Variants in LRRC27 observed in about 807,000 individuals in gnomAD.
LRRC27 encodes leucine rich repeat containing 27, also known as leucine-rich repeat-containing protein 27.
A neutral mutation model predicts 55.0 loss-of-function variants in LRRC27; 57 were observed. The observed-to-expected ratio is 1.04, with a 90% CI of 0.84 to 1.29. The LOEUF (loss-of-function observed/expected upper bound fraction) is 1.29. Among genes scored for constraint, LRRC27 ranks in the 50% most tolerant of loss-of-function variants. The pLI, the probability that LRRC27 is intolerant of heterozygous loss-of-function variation, is 0.00. For synonymous variants in LRRC27, 278 were observed against 251.9 expected (o/e 1.10, Z -0.98); for missense variants, 721 against 651.5 (o/e 1.11, Z -1.16).
At chr10:132,362,016 C>G (rs77050500) in intron 9 of LRRC27, among the ~76,000 whole-genome samples, 13,377 of 152,268 alleles carry the variant, frequency 0.088, 768 homozygotes, top group African/African-American at 0.17. Context: ...AGACCTGACC[C>G]TCAGGGCCGC....
chr10:132,354,015 C>T (rs1320570465), intron 7 of LRRC27, among the ~76,000 whole-genome samples: 2 of 152,240 alleles, frequency 1.3e-5, no homozygotes, highest in African/African-American at 4.8e-5. Context: ...ATCACCTGCC[C>T]TGCCAGGAGG....
At chr10:132,331,628 G>A (rs879046864), upstream of LRRC27, 29 of 1,612,892 alleles carry the variant, frequency 1.8e-5, no homozygotes, top group South Asian at 3.0e-4. Flanking sequence ...GACAGGCAGC[G>A]AGGACCGCTC....
intron 4 of LRRC27, among the ~76,000 whole-genome samples, chr10:132,343,119 G>A (rs954898488): frequency 1.3e-5 from 2 of 152,056 alleles, no homozygotes; most frequent in Admixed American, 1.3e-4. Flanking sequence ...ACCAGCCTGG[G>A]TAACATAGTG....
chr10:132,353,629 A>G (rs2068171843), intron 7 of LRRC27, among the ~76,000 whole-genome samples: 1 of 152,178 alleles, frequency 6.6e-6, no homozygotes. Flanking sequence ...GGGCTGTCCT[A>G]GGACATGGGA....
chr10:132,332,472 G>C (rs1421038846), intron 1 of LRRC27: 1 of 152,312 alleles, frequency 6.6e-6, no homozygotes, highest in Non-Finnish European at 1.5e-5. Context: ...GGGGGTGGGC[G>C]TGCGTGGGGA....
rs115861392 is a variant in LRRC27, at chr10:132,375,133, G to C, written c.1484G>C (p.Arg495Pro). The C allele has an allele frequency of 5.3e-5, 85 of 1,613,992 alleles. No homozygotes were observed. Among genetic ancestry groups the C allele is most frequent in the Non-Finnish European group, 6.4e-5 (76 of 1,180,014 alleles). ...TTAACCTTGAACAAAGATCGTCGAC[G>C]GGCGGCCCTCACTGGAAACCTTTCG... is the stretch of plus-strand genomic sequence containing the variant. ...LGLTLNKDRR[R>P]AALTGNLSLG... Residue 495 changes from arginine to proline, a missense_variant, in exon 11 of 11, where the codon CGG (arginine) becomes CCG (proline). By Grantham distance (103) the Arg-to-Pro change is moderately radical (BLOSUM62 -2). Coordinates refer to ENST00000368614, the MANE Select transcript of LRRC27 (RefSeq NM_030626.3).
In LRRC27 at chr10:132,334,149, T is replaced by C. The variant is rs73385027; in HGVS notation, c.210+415T>C. Among the ~76,000 whole-genome samples, 810 of 152,332 alleles carry C rather than the reference T, an allele frequency of 5.3e-3. 5 individuals are homozygous for C. Among genetic ancestry groups the C allele is most frequent in the African/African-American group, 0.018 (746 of 41,572 alleles). ...GGTTTTACTTTGTGCCCGGCCCTTC[T>C]CCGGGTCAGTCCGCAGTAGATGCTG... On this transcript the variant is annotated intron_variant, in intron 2 of 10. Transcript: ENST00000368614.
At chr10:132,344,351 A>G in intron 4 of LRRC27, 147 bp from the exon 5 acceptor site, 1 of 841,170 alleles carries the variant, frequency 1.2e-6, no homozygotes, top group Non-Finnish European at 1.7e-6. Context: ...CTTTAAAGCA[A>G]ATCTTTGACA....
chr10:132,375,299 T>C lies in LRRC27; in HGVS notation c.*57T>C. Reference sequence around the variant, plus strand: ...CAGACAGGAGCCGCTCAGTCTTCTTTCCCGGGCGTCGCCTCCTGTGTGGTG... The same window carrying C: ...CAGACAGGAGCCGCTCAGTCTTCTTCCCCGGGCGTCGCCTCCTGTGTGGTG... On this transcript the variant is annotated 3_prime_UTR_variant, in exon 11 of 11. Transcript: ENST00000368614. The C allele has an allele frequency of 6.6e-7, 1 of 1,524,272 alleles. No homozygotes were observed. The highest frequency in any genetic ancestry group is 8.9e-7 in the Non-Finnish European group (1 of 1,124,606). 94.4% of individuals were successfully genotyped at this position (1,524,272 alleles called of 1,614,324 possible). A position where few individuals can be genotyped will look rare whatever the true frequency, so the allele number is the denominator to read the frequency against.
chr10:132,374,599 T>TG lies in LRRC27; in HGVS notation c.1417-462dup, dbSNP rs1297316158. 6.6e-6 allele frequency among the ~76,000 whole-genome samples: 1 copy of TG among 152,106 alleles called. No homozygotes were observed. Among genetic ancestry groups the TG allele is most frequent in the African/African-American group, 2.4e-5 (1 of 41,404 alleles). ...ATCCACAGCTTCTGTGTCTGTGGGG[T>TG]GGGGGTGGCAATTGTGGCCCCATCT... On this transcript the variant is annotated intron_variant, in intron 10 of 10. Transcript: ENST00000368614. This position sits in a 1 kb window ranked among gnomAD's most constrained non-coding sequence, Gnocchi z 4.4.
chr10:132,356,333 C>T (rs902051560), intron 8 of LRRC27, among the ~76,000 whole-genome samples: 2 of 152,226 alleles, frequency 1.3e-5, no homozygotes, highest in Admixed American at 6.5e-5. Flanking sequence ...GACCTCGAGG[C>T]AGGCAGTTTC....
chr10:132,371,249 G>A (rs189808055), intron 10 of LRRC27, among the ~76,000 whole-genome samples: 30 of 152,376 alleles, frequency 2.0e-4, no homozygotes, highest in African/African-American at 7.0e-4. Flanking sequence ...GCACCCGGGA[G>A]CCTGGCCTGT....
chr10:132,369,427 A>G (rs2069165404), intron 10 of LRRC27, among the ~76,000 whole-genome samples: 1 of 152,208 alleles, frequency 6.6e-6, no homozygotes. Flanking sequence ...GTTGCTTAGC[A>G]CTGAAAGGAA....
intron 3 of LRRC27, 138 bp downstream of exon 3, chr10:132,337,833 T>G (rs2067208134): frequency 2.9e-6 from 3 of 1,044,246 alleles, no homozygotes; most frequent in African/African-American, 1.8e-5. Context: ...TAAAGCCAGC[T>G]AAGAGGTTGC....
chr10:132,342,711 C>T (rs977346602), intron 4 of LRRC27, among the ~76,000 whole-genome samples: 6 of 152,144 alleles, frequency 3.9e-5, no homozygotes, highest in African/African-American at 7.2e-5. Flanking sequence ...ATCAAACAAG[C>T]GTAAACTATC....
In LRRC27 at chr10:132,380,405, C is replaced by T. The variant is rs751488642; in HGVS notation, c.*5163C>T. Among the ~76,000 whole-genome samples, 4 of 152,176 alleles carry T rather than the reference C, an allele frequency of 2.6e-5. No homozygotes were observed. The highest frequency in any genetic ancestry group is 1.9e-4 in the East Asian group (1 of 5,202). On this transcript the variant is annotated 3_prime_UTR_variant, in exon 11 of 11. Transcript: ENST00000368614. The stretch of plus-strand genomic sequence containing the variant: ...CACCTCCTGTTGCTATTGCAGTGAG[C>T]GCAAGCATGTCAAGGATCCGCTTAA...
chr10:132,369,511 G>A (rs2069167847), intron 10 of LRRC27, among the ~76,000 whole-genome samples: 1 of 152,208 alleles, frequency 6.6e-6, no homozygotes, highest in South Asian at 2.1e-4. Flanking sequence ...AGATGGAGAT[G>A]GTGAAAGGAT....
intron 3 of LRRC27, 94 bp from the exon 4 acceptor site, chr10:132,342,119 A>T: frequency 1.3e-6 from 1 of 785,742 alleles, no homozygotes; most frequent in Non-Finnish European, 2.0e-6. Context: ...TTGCCCCTGA[A>T]AGAGAAGAAA....
At position 132,335,773 on chromosome 10, in the gene LRRC27, A is replaced by G. The variant is rs376609181; in HGVS notation, c.211-1792A>G. Among the ~76,000 whole-genome samples, 3 of 152,216 alleles carry G rather than the reference A, an allele frequency of 2.0e-5. No homozygotes were observed. In the South Asian group the frequency reaches 6.2e-4, roughly 32 times the overall value. The stretch of plus-strand genomic sequence containing the variant: ...CTGCTTTATTTTGTCGTGGCCCACA[A>G]TGCATTGCAATCCCAGTCAGCTCAG... On this transcript the variant is annotated intron_variant, in intron 2 of 10. Coordinates refer to ENST00000368614, the MANE Select transcript of LRRC27 (RefSeq NM_030626.3).
Sources: allele counts gnomAD v4.1 joint callset (sites outside exome capture counted in the v4.1 genomes callset), GRCh38; gene constraint gnomAD v4.1.1; non-coding constraint Gnocchi (gnomAD v3.1); transcripts MANE v1.5; gene names NCBI Gene and HGNC (gene_info 2026-07-23, HGNC 2026-07-21).